The following INSL6 variants were observed in gnomAD, a reference collection of about 807,000 sequenced individuals.
INSL6 encodes insulin like 6.
Under a neutral mutation model 9.4 loss-of-function variants are expected in INSL6, and 16 were observed. That is an observed-to-expected ratio of 1.70 (90% CI 1.15 to 2.59). INSL6 has a LOEUF of 2.59. INSL6 is among the 30% of genes most tolerant of loss of function. The pLI is 0.00. For synonymous variants in INSL6, 154 were observed against 96.9 expected (o/e 1.59, Z -3.46); for missense variants, 391 against 257.3 (o/e 1.52, Z -3.56).
At chr9:5,124,270 A>G (rs578141905) in exon 4 of INSL6, among the ~76,000 whole-genome samples, 2 of 151,936 alleles carry the variant, frequency 1.3e-5, no homozygotes, top group South Asian at 2.1e-4. Flanking sequence ...GGTCTTTGCC[A>G]TGAATTCTTT....
chr9:5,053,045 G>A, the INSL6 span, among the ~76,000 whole-genome samples: 24 of 152,148 alleles, frequency 1.6e-4, 1 homozygote, highest in South Asian at 5.0e-3. Flanking sequence ...TATGGTAACT[G>A]TTTAACTTTT....
the INSL6 span, among the ~76,000 whole-genome samples, chr9:5,011,586 TAAAC>T: frequency 1.3e-5 from 2 of 152,236 alleles, no homozygotes; most frequent in African/African-American, 4.8e-5. Context: ...TGTATCATAG[TAAAC>T]AAAGTCTTTA....
chr9:5,034,791 G>C, the INSL6 span, among the ~76,000 whole-genome samples: 17 of 152,070 alleles, frequency 1.1e-4, no homozygotes, highest in African/African-American at 1.7e-4. Flanking sequence ...AAGCAGGAAA[G>C]ATCCAATTGA....
the INSL6 span, chr9:5,072,394 T>C: frequency 5.8e-5 from 49 of 843,786 alleles, no homozygotes; most frequent in East Asian, 1.1e-3. Flanking sequence ...TACTTGCTTA[T>C]GGATTTAAAA....
At chr9:5,049,530 A>G in the INSL6 span, among the ~76,000 whole-genome samples, 2 of 152,196 alleles carry the variant, frequency 1.3e-5, no homozygotes, top group African/African-American at 4.8e-5. Flanking sequence ...TGATTACTCC[A>G]GCTGAATATA....
At chr9:5,181,760 A>G (rs1825460362) in intron 1 of INSL6, among the ~76,000 whole-genome samples, 3 of 152,208 alleles carry the variant, frequency 2.0e-5, no homozygotes, top group Non-Finnish European at 4.4e-5. Flanking sequence ...GAAAATGATA[A>G]CAATTCCAAC....
chr9:5,134,354 AC>A (rs1359893235), intron 2 of INSL6, among the ~76,000 whole-genome samples: 1 of 152,124 alleles, frequency 6.6e-6, no homozygotes, highest in Non-Finnish European at 1.5e-5. Flanking sequence ...CCACAAAGAT[AC>A]TCCTCGAGAA....
chr9:5,114,204 C>T, the INSL6 span: 1,291 of 482,630 alleles, frequency 2.7e-3, 22 homozygotes, highest in African/African-American at 0.022. Context: ...CTACCTGAGC[C>T]GGTCCAGCCC....
chr9:5,015,480 A>G, the INSL6 span, among the ~76,000 whole-genome samples: 1 of 152,110 alleles, frequency 6.6e-6, no homozygotes, highest in African/African-American at 2.4e-5. Context: ...CTTAGCACAA[A>G]TCAAAGCAGT....
At chr9:5,002,690 T>A in the INSL6 span, among the ~76,000 whole-genome samples, 690 of 152,014 alleles carry the variant, frequency 4.5e-3, 5 homozygotes, top group Non-Finnish European at 7.3e-3. Flanking sequence ...ATTAAAAAAA[T>A]TTTTTTTGTT....
At chr9:5,087,699 C>T in the INSL6 span, among the ~76,000 whole-genome samples, 1 of 152,178 alleles carries the variant, frequency 6.6e-6, no homozygotes, top group African/African-American at 2.4e-5. Context: ...CATTTTCCCA[C>T]TGCTTATTGG....
the INSL6 span, among the ~76,000 whole-genome samples, chr9:5,086,931 C>G: frequency 6.6e-6 from 1 of 152,120 alleles, no homozygotes; most frequent in Non-Finnish European, 1.5e-5. Context: ...TATATCACCC[C>G]CCCTTCCCTT....
chr9:4,997,812 G>A, the INSL6 span, among the ~76,000 whole-genome samples: 2 of 152,178 alleles, frequency 1.3e-5, no homozygotes, highest in African/African-American at 4.8e-5. Context: ...TGATTGATGA[G>A]TAACTGGAAA....
chr9:5,182,210 C>T (rs1466315248), intron 1 of INSL6, among the ~76,000 whole-genome samples: 1 of 152,040 alleles, frequency 6.6e-6, no homozygotes, highest in South Asian at 2.1e-4. Context: ...GAGGAATGCA[C>T]ATGAGTATTA....
At chr9:5,131,318 G>A (rs1027940867) in intron 3 of INSL6, among the ~76,000 whole-genome samples, 5 of 151,578 alleles carry the variant, frequency 3.3e-5, no homozygotes, top group African/African-American at 9.7e-5. Context: ...TATGTCCTTA[G>A]TAACATTTAA....
the INSL6 span, among the ~76,000 whole-genome samples, chr9:5,011,290 ATCC>A: frequency 1.3e-5 from 2 of 152,112 alleles, no homozygotes; most frequent in Admixed American, 1.3e-4. Context: ...AGCGCAAGTA[ATCC>A]TCCTACCTCA....
chr9:5,072,973 A>G, the INSL6 span, among the ~76,000 whole-genome samples: 38 of 152,100 alleles, frequency 2.5e-4, no homozygotes, highest in Admixed American at 2.4e-3. Context: ...ACAAAAAACC[A>G]AGTTTCAAAG....
chr9:5,041,194 C>T, the INSL6 span: 2 of 1,422,128 alleles, frequency 1.4e-6, no homozygotes, highest in Non-Finnish European at 2.0e-6. Flanking sequence ...TTTACCAGGA[C>T]GTGAAGCCCG....
chr9:5,110,766 T>C, the INSL6 span: 1 of 388,370 alleles, frequency 2.6e-6, no homozygotes, highest in Non-Finnish European at 5.0e-6. Flanking sequence ...GGACTGGCCA[T>C]GCAGGAGTGG....
Sources: gnomAD v4.1 joint callset for allele counts (sites outside exome capture counted in the v4.1 genomes callset) on GRCh38, gnomAD v4.1.1 for gene constraint, MANE v1.5 for transcripts, NCBI Gene and HGNC (gene_info 2026-07-23, HGNC 2026-07-21) for gene names.